The following SYNDIG1L variants were observed in gnomAD, a reference collection of about 807,000 sequenced individuals.
The protein encoded by SYNDIG1L is synapse differentiation inducing 1 like.
A neutral mutation model predicts 20.1 loss-of-function variants in SYNDIG1L; 13 were observed. That is an observed-to-expected ratio of 0.65 (90% confidence interval 0.42 to 1.03). The LOEUF is 1.03. Ranked by LOEUF, SYNDIG1L falls within the 50% of genes least tolerant of loss-of-function variation. SYNDIG1L has a pLI of 0.00. For synonymous variants in SYNDIG1L, 128 were observed against 129.3 expected, an observed-to-expected ratio of 0.99 and a Z score of 0.07; for missense variants, 294 against 305.1, an observed-to-expected ratio of 0.96 and a Z score of 0.27.
chr14:74,452,511 G>A, the SYNDIG1L span, among the ~76,000 whole-genome samples: 1 of 152,136 alleles, frequency 6.6e-6, no homozygotes, highest in Non-Finnish European at 1.5e-5. Flanking sequence ...AGATGTACTT[G>A]CTCCTCCTTG....
At chr14:74,440,290 C>A in the SYNDIG1L span, among the ~76,000 whole-genome samples, 2 of 150,620 alleles carry the variant, frequency 1.3e-5, no homozygotes, top group African/African-American at 2.4e-5. Flanking sequence ...CCGAGGTGGG[C>A]GGATCACGAG....
the SYNDIG1L span, among the ~76,000 whole-genome samples, chr14:74,460,794 C>T: frequency 2.6e-5 from 4 of 152,154 alleles, no homozygotes; most frequent in Admixed American, 2.0e-4. Context: ...ATCACAGGTG[C>T]CGGCCAACAA....
chr14:74,418,404 G>A (rs542810253), intron 1 of SYNDIG1L, among the ~76,000 whole-genome samples: 4 of 152,130 alleles, frequency 2.6e-5, no homozygotes, highest in Non-Finnish European at 4.4e-5. Flanking sequence ...CCTTTCTCTC[G>A]CCTCTGTCTC....
At chr14:74,473,627 G>A in the SYNDIG1L span, among the ~76,000 whole-genome samples, 1 of 152,144 alleles carries the variant, frequency 6.6e-6, no homozygotes, top group African/African-American at 2.4e-5. Flanking sequence ...GGATTGCAGT[G>A]ATGGTTTGCT....
the SYNDIG1L span, among the ~76,000 whole-genome samples, chr14:74,445,264 A>T: frequency 3.3e-5 from 5 of 152,184 alleles, no homozygotes; most frequent in African/African-American, 1.2e-4. Context: ...TGCCAGCATT[A>T]TGCTTTGTGT....
At chr14:74,460,644 T>G in the SYNDIG1L span, among the ~76,000 whole-genome samples, 2 of 152,254 alleles carry the variant, frequency 1.3e-5, no homozygotes, top group South Asian at 4.2e-4. Context: ...TGGGCCCATG[T>G]TCCATTTCTT....
chr14:74,473,946 T>C, the SYNDIG1L span: 1 of 152,220 alleles, frequency 6.6e-6, no homozygotes, highest in Admixed American at 6.5e-5. Flanking sequence ...AGTCTCAACC[T>C]TGTTCTTCTG....
At chr14:74,448,622 T>C in the SYNDIG1L span, among the ~76,000 whole-genome samples, 1 of 152,188 alleles carries the variant, frequency 6.6e-6, no homozygotes, top group Non-Finnish European at 1.5e-5. Context: ...AGATAGACCA[T>C]ATTTTGGGCC....
chr14:74,441,279 C>T, the SYNDIG1L span, among the ~76,000 whole-genome samples: 1 of 152,190 alleles, frequency 6.6e-6, no homozygotes, highest in African/African-American at 2.4e-5. Flanking sequence ...TCACCAATTA[C>T]AAATTAACCA....
intron 2 of SYNDIG1L, 64 bp from the exon 3 acceptor site, chr14:74,408,053 A>T (rs1193745181): frequency 2.6e-5 from 40 of 1,522,224 alleles, no homozygotes; most frequent in Non-Finnish European, 3.3e-5. Context: ...GGCTGGCAAG[A>T]GGTTTTTTAA....
Position 74,407,904 on chromosome 14 carries a change from G to T in SYNDIG1L, c.503C>A (p.Ser168Tyr). The change falls in exon 3 of 4, where the codon TCC becomes TAC. Residue 168 changes from serine to tyrosine, a missense_variant. Transcript: ENST00000331628. The stretch of plus-strand genomic sequence containing the variant: ...CAGTGGCCAGAAGCAGCAGAGCATG[G>T]AGAAGAGAGTAAGTCCCAGGTGGTC... Reference protein sequence around the residue: ...PRDHLGLTLFSMLCCFWPLGI... With the variant: ...PRDHLGLTLFYMLCCFWPLGI... The T allele has an allele frequency of 6.2e-7, 1 of 1,613,990 alleles. No individual in the cohort carries two copies. Among genetic ancestry groups the T allele is most frequent in the Non-Finnish European group, 8.5e-7 (1 of 1,179,964 alleles).
intron 1 of SYNDIG1L, among the ~76,000 whole-genome samples, chr14:74,421,663 G>A (rs1199427496): frequency 6.6e-6 from 1 of 152,198 alleles, no homozygotes; most frequent in African/African-American, 2.4e-5. Context: ...ATTCTGCCTG[G>A]CTGCTGGATG....
chr14:74,417,389 GA>G (rs939945905), intron 1 of SYNDIG1L, among the ~76,000 whole-genome samples: 1 of 152,184 alleles, frequency 6.6e-6, no homozygotes, highest in Non-Finnish European at 1.5e-5. Flanking sequence ...GAGGCATCAT[GA>G]ACACTGTTAA....
At chr14:74,445,615 C>G in the SYNDIG1L span, among the ~76,000 whole-genome samples, 1 of 152,078 alleles carries the variant, frequency 6.6e-6, no homozygotes, top group Non-Finnish European at 1.5e-5. Flanking sequence ...GTTGGGATTA[C>G]AGGCATGCAT....
At position 74,408,008 on chromosome 14, in the gene SYNDIG1L, T is replaced by C. The variant is rs775628261; in HGVS notation, c.418-19A>G. On this transcript the variant is annotated intron_variant, in intron 2 of 3. Transcript: ENST00000331628. ...CATCGCTCTGCAAAACAGTGGAGTT[T>C]GGTGACCAGGCCCAGGATCAGCCCA... The C allele has an allele frequency of 6.3e-6, 10 of 1,594,310 alleles. No individual in the cohort carries two copies. In the East Asian group the frequency reaches 2.0e-4, roughly 32 times the overall value.
At chr14:74,465,008 A>C in the SYNDIG1L span, among the ~76,000 whole-genome samples, 1 of 152,106 alleles carries the variant, frequency 6.6e-6, no homozygotes, top group Admixed American at 6.5e-5. Context: ...TGTGGGGAAG[A>C]GGGTGAATGC....
chr14:74,421,718 T>G (rs1019278235), intron 1 of SYNDIG1L, among the ~76,000 whole-genome samples: 2 of 152,004 alleles, frequency 1.3e-5, no homozygotes, highest in African/African-American at 4.8e-5. Flanking sequence ...GGAAAGAGAT[T>G]TGAGAATCGT....
the SYNDIG1L span, among the ~76,000 whole-genome samples, chr14:74,477,118 A>ACACAC: frequency 1.2e-5 from 1 of 83,132 alleles, no homozygotes; most frequent in African/African-American, 5.2e-5. Flanking sequence ...CCCCATTCCC[A>ACACAC]ACACACACAC....
the SYNDIG1L span, chr14:74,480,008 A>T: frequency 7.0e-7 from 1 of 1,434,164 alleles, no homozygotes; most frequent in Non-Finnish European, 9.1e-7. Context: ...AAGAGGCCAC[A>T]AGTTAATGTT....
Sources: gnomAD v4.1 joint callset for allele counts (sites outside exome capture counted in the v4.1 genomes callset) on GRCh38, gnomAD v4.1.1 for gene constraint, MANE v1.5 for transcripts, NCBI Gene and HGNC (gene_info 2026-07-23, HGNC 2026-07-21) for gene names.